RPS6KA2: variants seen among roughly 807,000 people sequenced by gnomAD.
The protein encoded by RPS6KA2 is ribosomal protein S6 kinase A2.
RPS6KA2 carries 42 observed loss-of-function variants against 91.8 expected under a neutral mutation model. The ratio of observed to expected loss-of-function variants is 0.46; its 90% CI spans 0.36 to 0.59. The LOEUF (loss-of-function observed/expected upper bound fraction) is 0.59. Ranked by LOEUF, RPS6KA2 falls within the 20% of genes least tolerant of loss-of-function variation. The pLI, the probability that RPS6KA2 is intolerant of heterozygous loss-of-function variation, is 0.00. For synonymous variants in RPS6KA2, 414 were observed against 393.6 expected, an observed-to-expected ratio of 1.05 and a Z score of -0.61; for missense variants, 798 against 978.5, an observed-to-expected ratio of 0.82 and a Z score of 2.46.
intron 2 of RPS6KA2, among the ~76,000 whole-genome samples, chr6:166,846,678 C>G (rs1780613656): frequency 6.6e-6 from 1 of 152,144 alleles, no homozygotes; most frequent in Non-Finnish European, 1.5e-5. Flanking sequence ...TATTAAAACC[C>G]TCAGGAATAT....
At chr6:166,673,806 G>A (rs1387150940) in intron 2 of RPS6KA2, among the ~76,000 whole-genome samples, 1 of 152,330 alleles carries the variant, frequency 6.6e-6, no homozygotes, top group East Asian at 1.9e-4. Context: ...AGATTGGGCA[G>A]CCCTGCCAAA....
At chr6:166,768,681 A>G (rs1474279323) in intron 2 of RPS6KA2, among the ~76,000 whole-genome samples, 1 of 152,222 alleles carries the variant, frequency 6.6e-6, no homozygotes, top group Non-Finnish European at 1.5e-5. Flanking sequence ...GGAGAGTTAA[A>G]GCCTTCACTT....
intron 14 of RPS6KA2, among the ~76,000 whole-genome samples, chr6:166,446,409 G>A (rs533874109): frequency 5.6e-4 from 85 of 152,322 alleles, no homozygotes; most frequent in African/African-American, 2.0e-3. Context: ...AAGGGACAAG[G>A]GAAATCCCTG....
intron 2 of RPS6KA2, among the ~76,000 whole-genome samples, chr6:166,646,924 G>A (rs374864674): frequency 6.6e-6 from 1 of 152,050 alleles, no homozygotes; most frequent in Non-Finnish European, 1.5e-5. Flanking sequence ...GCCTTCGGCC[G>A]CCACTCCTCC....
At chr6:166,451,365 GGCGTA>G in intron 12 of RPS6KA2, 132 bp from the exon 13 acceptor site, 5 of 888,496 alleles carry the variant, frequency 5.6e-6, no homozygotes, top group South Asian at 1.7e-5. Context: ...GTGTGCACGT[GGCGTA>G]TGCCTGTGGT....
intron 14 of RPS6KA2, among the ~76,000 whole-genome samples, chr6:166,436,394 A>G (rs1449590638): frequency 6.6e-6 from 1 of 151,976 alleles, no homozygotes; most frequent in East Asian, 1.9e-4. Flanking sequence ...TCGTTTGCAA[A>G]GGAGTAGAGT....
At chr6:166,755,791 G>C (rs1266902839) in intron 2 of RPS6KA2, among the ~76,000 whole-genome samples, 1 of 152,172 alleles carries the variant, frequency 6.6e-6, no homozygotes, top group Non-Finnish European at 1.5e-5. Context: ...ATTTAAATCA[G>C]AGCAAACAAC....
chr6:166,494,586 A>G lies in RPS6KA2; in HGVS notation c.748-3845T>C, dbSNP rs570922311. Among the ~76,000 whole-genome samples, 17 of 152,370 alleles carry G rather than the reference A, an allele frequency of 1.1e-4. No homozygotes were observed. Among genetic ancestry groups the G allele is most frequent in the African/African-American group, 3.6e-4 (15 of 41,588 alleles). On this transcript the variant is annotated intron_variant, in intron 8 of 20. Coordinates refer to ENST00000265678, the MANE Select transcript of RPS6KA2 (RefSeq NM_021135.6). The surrounding 1 kb of genome is among the most constrained non-coding windows in gnomAD (Gnocchi z 5.1). ...CTAGAAACTGGCTCCAGCCTGGCGT[A>G]GAGGAGTGCTGGAAATTCTACAAAT...
chr6:166,463,826 G>A (rs73271266), intron 11 of RPS6KA2, among the ~76,000 whole-genome samples: 6 of 152,226 alleles, frequency 3.9e-5, no homozygotes, highest in East Asian at 1.9e-4. Context: ...GATCGAAAGC[G>A]CCGCAGGAAG....
chr6:166,507,896 GCACT>G (rs1346898944), intron 5 of RPS6KA2, among the ~76,000 whole-genome samples: 9 of 58,842 alleles, frequency 1.5e-4, no homozygotes, highest in Admixed American at 1.1e-3. Flanking sequence ...CCCCACACAC[GCACT>G]CAAACACATA....
intron 2 of RPS6KA2, among the ~76,000 whole-genome samples, chr6:166,532,583 TGA>T (rs1472604862): frequency 1.3e-5 from 2 of 152,146 alleles, no homozygotes; most frequent in Admixed American, 6.5e-5. Flanking sequence ...CTGTCATTAT[TGA>T]ATCACAGCCC....
chr6:166,573,600 C>A (rs972668377), intron 1 of RPS6KA2, among the ~76,000 whole-genome samples: 2 of 152,246 alleles, frequency 1.3e-5, no homozygotes, highest in South Asian at 4.1e-4. Context: ...CTCGCCACTG[C>A]AAAGCCCCAT....
chr6:166,781,398 A>G (rs1778768964), intron 2 of RPS6KA2, among the ~76,000 whole-genome samples: 1 of 152,200 alleles, frequency 6.6e-6, no homozygotes, highest in African/African-American at 2.4e-5. Flanking sequence ...AGACTAGCCA[A>G]CTTGACCCCC....
chr6:166,411,709 C>G lies in RPS6KA2; in HGVS notation c.*1053G>C, dbSNP rs1383777033. 6.5e-6 allele frequency: 1 copy of G among 152,908 alleles called. No individual in the cohort carries two copies. Among genetic ancestry groups the G allele is most frequent in the Non-Finnish European group, 1.5e-5 (1 of 68,194 alleles). The allele number at this position is 152,908 out of a possible 1,614,324, so 9.5% of individuals were successfully genotyped here. A position where few individuals can be genotyped will look rare whatever the true frequency, so the allele number is the denominator to read the frequency against. ...CACGCTGATCTCCGCTGCCCTCCCA[C>G]CTGTGCCTCTGCCCCTCAGTCTGCT... On this transcript the variant is annotated 3_prime_UTR_variant, in exon 21 of 21. Transcript: ENST00000265678. This position sits in a 1 kb window ranked among gnomAD's most constrained non-coding sequence, Gnocchi z 4.5.
At position 166,767,045 on chromosome 6, in the gene RPS6KA2, G is replaced by A. The variant is rs545233526; in HGVS notation, c.123+91155C>T. 2.6e-5 allele frequency among the ~76,000 whole-genome samples: 4 copies of A among 152,292 alleles called. No homozygotes were observed. Among genetic ancestry groups the A allele is most frequent in the South Asian group, 2.1e-4 (1 of 4,828 alleles). On this transcript the variant is annotated intron_variant, in intron 2 of 21. Coordinates refer to the RPS6KA2 transcript ENST00000503859. This position sits in a 1 kb window ranked among gnomAD's most constrained non-coding sequence, Gnocchi z 4.6. Reference sequence around the variant, plus strand: ...GAAGTCTGCACCAACTCACCGCCACGAGAGTGAATGAAGGTCCCTTCCTTA... The same window carrying A: ...GAAGTCTGCACCAACTCACCGCCACAAGAGTGAATGAAGGTCCCTTCCTTA...
At chr6:166,685,038 C>A (rs191270225) in intron 2 of RPS6KA2, among the ~76,000 whole-genome samples, 1 of 152,224 alleles carries the variant, frequency 6.6e-6, no homozygotes, top group African/African-American at 2.4e-5. Flanking sequence ...GATGGTAGCT[C>A]CAGAGCCCTG....
At chr6:166,551,575 A>T (rs1216318074) in intron 1 of RPS6KA2, among the ~76,000 whole-genome samples, 1 of 152,262 alleles carries the variant, frequency 6.6e-6, no homozygotes, top group Non-Finnish European at 1.5e-5. Flanking sequence ...TGTTGAAAAG[A>T]TGAAACTTTT....
intron 10 of RPS6KA2, among the ~76,000 whole-genome samples, chr6:166,476,177 G>A (rs551896397): frequency 3.9e-5 from 6 of 152,192 alleles, no homozygotes; most frequent in African/African-American, 1.4e-4. Flanking sequence ...CGGAGGTCAG[G>A]GTGTGGCATT....
At position 166,435,299 on chromosome 6, in the gene RPS6KA2, TA is replaced by T. The variant is rs1175746339; in HGVS notation, c.1333-2810del. On this transcript the variant is annotated intron_variant, in intron 14 of 20. Transcript: ENST00000265678. This position sits in a 1 kb window ranked among gnomAD's most constrained non-coding sequence, Gnocchi z 4.3. ...GATTACCTTAAACTCTTGCTTACTTTAAAAACTATCTTAAATTGTAATAAAA... is the reference window on the plus strand; with the variant it reads ...GATTACCTTAAACTCTTGCTTACTTTAAAACTATCTTAAATTGTAATAAAA... Among the ~76,000 whole-genome samples, 1 of 152,198 alleles carries T rather than the reference TA, an allele frequency of 6.6e-6. No homozygotes were observed.
Sources: allele counts gnomAD v4.1 joint callset (sites outside exome capture counted in the v4.1 genomes callset), GRCh38; gene constraint gnomAD v4.1.1; non-coding constraint Gnocchi (gnomAD v3.1); transcripts MANE v1.5; gene names NCBI Gene and HGNC (gene_info 2026-07-23, HGNC 2026-07-21).